The following RPH3A variants were observed in gnomAD, a reference collection of about 807,000 sequenced individuals.
The protein encoded by RPH3A is rabphilin-3A.
In RPH3A, 48 loss-of-function variants were observed where a neutral mutation model predicts 102.2. The observed-to-expected ratio is 0.47, with a 90% confidence interval of 0.37 to 0.60. The LOEUF is 0.60. Ranked by LOEUF, RPH3A falls within the 20% of genes least tolerant of loss-of-function variation. RPH3A has a pLI of 0.00. For missense variants in RPH3A, 781 were observed against 910.1 expected, an observed-to-expected ratio of 0.86 and a Z score of 1.83; for synonymous variants, 310 against 324.3, an observed-to-expected ratio of 0.96 and a Z score of 0.47.
At chr12:112,826,387 A>C (rs1429121785) in intron 2 of RPH3A, among the ~76,000 whole-genome samples, 1 of 152,176 alleles carries the variant, frequency 6.6e-6, no homozygotes, top group Non-Finnish European at 1.5e-5. Context: ...TAGGAGCAAC[A>C]GGGAGCCATT....
chr12:112,880,156 A>C (rs1411200533), intron 14 of RPH3A, among the ~76,000 whole-genome samples: 1 of 152,166 alleles, frequency 6.6e-6, no homozygotes, highest in Non-Finnish European at 1.5e-5. Context: ...TTTTTTATTG[A>C]GCACCAATTA....
intron 1 of RPH3A, among the ~76,000 whole-genome samples, chr12:112,773,481 T>A (rs924015402): frequency 9.9e-5 from 15 of 152,144 alleles, no homozygotes; most frequent in Admixed American, 3.9e-4. Flanking sequence ...CATCTTTTTT[T>A]AAAAAAATAA....
At chr12:112,806,427 G>T (rs188637773) in intron 2 of RPH3A, among the ~76,000 whole-genome samples, 1 of 152,252 alleles carries the variant, frequency 6.6e-6, no homozygotes, top group East Asian at 1.9e-4. Flanking sequence ...TTGAGGCCAG[G>T]AATTTGAGAC....
rs747638098 is a variant in RPH3A, at chr12:112,887,894, T to G, written c.1534T>G (p.Phe512Val). 6.2e-7 allele frequency: 1 copy of G among 1,613,830 alleles called. No homozygotes were observed. Among genetic ancestry groups the G allele is most frequent in the Non-Finnish European group, 8.5e-7 (1 of 1,179,774 alleles). ...KKLKPNQRKN[F>V]NICLERVIPM... Reference sequence around the variant, plus strand: ...ACTGAAGCCCAACCAGAGGAAGAATTTCAACATCTGCCTGGAGCGAGTGAT... The same window carrying G: ...ACTGAAGCCCAACCAGAGGAAGAATGTCAACATCTGCCTGGAGCGAGTGAT... Residue 512 changes from phenylalanine (F) to valine (V), a missense_variant, in exon 17 of 22, where the codon TTC (phenylalanine) becomes GTC (valine). Around this residue, in one of 2 missense-constraint regions of RPH3A, gnomAD observed 730 missense variants for 810.0 expected, o/e 0.90. Coordinates refer to ENST00000389385, the MANE Select transcript of RPH3A (RefSeq NM_001143854.2).
chr12:112,683,437 T>C (rs117776523), intron 1 of RPH3A, among the ~76,000 whole-genome samples: 3,259 of 152,024 alleles, frequency 0.021, 50 homozygotes, highest in Middle Eastern at 0.034. Context: ...GAAGTTGATA[T>C]TGCCTTAGTT....
intron 1 of RPH3A, among the ~76,000 whole-genome samples, chr12:112,776,577 G>GA (rs2040967136): frequency 6.6e-6 from 1 of 152,044 alleles, no homozygotes; most frequent in African/African-American, 2.4e-5. Context: ...GAGAAAGAAA[G>GA]AGAAAGTGCA....
At chr12:112,691,293 T>A (rs1427565602) in intron 1 of RPH3A, among the ~76,000 whole-genome samples, 1 of 152,098 alleles carries the variant, frequency 6.6e-6, no homozygotes, top group Non-Finnish European at 1.5e-5. Flanking sequence ...ATTACAGGCG[T>A]GAGCCACCGC....
upstream of RPH3A, among the ~76,000 whole-genome samples, chr12:112,789,458 C>T (rs767309678): frequency 5.3e-5 from 8 of 152,170 alleles, no homozygotes; most frequent in Non-Finnish European, 1.2e-4. Flanking sequence ...GGAGCATGTT[C>T]TTTGGAATCA....
chr12:112,792,536 C>T (rs2041141694), intron 2 of RPH3A, among the ~76,000 whole-genome samples: 2 of 152,340 alleles, frequency 1.3e-5, no homozygotes, highest in South Asian at 2.1e-4. Flanking sequence ...CCAATTTGCC[C>T]TCTCCTTTGC....
chr12:112,619,698 C>T (rs2039708071), intron 1 of RPH3A, among the ~76,000 whole-genome samples: 2 of 152,116 alleles, frequency 1.3e-5, no homozygotes, highest in Admixed American at 1.3e-4. Flanking sequence ...TCTTTGCCAA[C>T]CTTTGTTATT....
At chr12:112,642,594 A>G (rs2135992268) in intron 1 of RPH3A, among the ~76,000 whole-genome samples, 1 of 152,128 alleles carries the variant, frequency 6.6e-6, no homozygotes, top group South Asian at 2.1e-4. Context: ...CTAATTCTAA[A>G]TTTTTCAGTT....
At chr12:112,670,876 CAGATTTAAGGGGTGGGA>C (rs1261084577) in intron 1 of RPH3A, among the ~76,000 whole-genome samples, 1 of 152,122 alleles carries the variant, frequency 6.6e-6, no homozygotes, top group Non-Finnish European at 1.5e-5. Flanking sequence ...GAGGCCAGCC[CAGATTTAAGGGGTGGGA>C]AAACAAACCT....
intron 1 of RPH3A, among the ~76,000 whole-genome samples, chr12:112,651,223 C>T (rs1432562959): frequency 6.6e-6 from 1 of 151,750 alleles, no homozygotes; most frequent in Non-Finnish European, 1.5e-5. Flanking sequence ...ATTATCCAGG[C>T]ATGGTGGTGC....
At chr12:112,593,810 A>G (rs1413015043) in intron 1 of RPH3A, among the ~76,000 whole-genome samples, 1 of 152,080 alleles carries the variant, frequency 6.6e-6, no homozygotes, top group Non-Finnish European at 1.5e-5. Context: ...AATGACTCCT[A>G]CCCATCTTTT....
At chr12:112,844,704 T>C (rs1565915129) in intron 4 of RPH3A, among the ~76,000 whole-genome samples, 1 of 152,350 alleles carries the variant, frequency 6.6e-6, no homozygotes, top group East Asian at 1.9e-4. Flanking sequence ...TCTGTCTCTA[T>C]CATCCTGCTG....
Position 112,875,161 on chromosome 12 carries a change from G to A in RPH3A, c.874G>A (p.Gly292Arg). 4.4e-6 allele frequency: 7 copies of A among 1,600,910 alleles called. No individual in the cohort carries two copies. The highest frequency in any genetic ancestry group is 6.0e-6 in the Non-Finnish European group (7 of 1,174,274). Reference protein sequence around the residue: ...SVQSPAPPQPGQPGTPGGSRP... With the variant: ...SVQSPAPPQPRQPGTPGGSRP... Reference sequence around the variant, plus strand: ...GCAGAGCCCAGCGCCACCTCAGCCTGGGCAGCCAGGTACCTGCCACTCACC... The same window carrying A: ...GCAGAGCCCAGCGCCACCTCAGCCTAGGCAGCCAGGTACCTGCCACTCACC... Residue 292 changes from glycine to arginine, a missense_variant, in exon 11 of 22, where the codon GGG (glycine) becomes AGG (arginine). Physicochemically the swap from Gly to Arg is moderately radical, Grantham distance 125. Transcript: ENST00000389385.
intron 2 of RPH3A, among the ~76,000 whole-genome samples, chr12:112,793,202 C>T (rs554748503): frequency 3.9e-5 from 6 of 152,312 alleles, no homozygotes; most frequent in Admixed American, 3.3e-4. Context: ...AATCCAAAAG[C>T]TCACATTTAA....
chr12:112,794,408 C>T (rs938619565), intron 2 of RPH3A, among the ~76,000 whole-genome samples: 2 of 152,114 alleles, frequency 1.3e-5, no homozygotes, highest in Non-Finnish European at 2.9e-5. Context: ...CGGGGAGAGG[C>T]CCTGTTTGGG....
chr12:112,847,669 C>A (rs896749395), intron 4 of RPH3A, 27 bp from the exon 5 acceptor site: 4 of 1,611,392 alleles, frequency 2.5e-6, no homozygotes, highest in Non-Finnish European at 3.4e-6. Context: ...TCTGCCCACC[C>A]TCACACCTTC....
Sources: gnomAD v4.1 joint callset for allele counts (sites outside exome capture counted in the v4.1 genomes callset) on GRCh38, gnomAD v4.1.1 for gene constraint, gnomAD v4.1.1 regional missense constraint, MANE v1.5 for transcripts, NCBI Gene and HGNC (gene_info 2026-07-23, HGNC 2026-07-21) for gene names.